Variants in NRXN3 observed in about 807,000 individuals in gnomAD.
NRXN3 encodes neurexin 3, also known as neurexin III.
A neutral mutation model predicts 137.6 loss-of-function variants in NRXN3; 32 were observed. The ratio of observed to expected loss-of-function variants is 0.23; its 90% confidence interval spans 0.18 to 0.31. The LOEUF (loss-of-function observed/expected upper bound fraction) is 0.31. NRXN3 is among the 10% of genes least tolerant of loss of function. The probability of loss-of-function intolerance (pLI) is 1.00; values close to 1 mark genes in which losing one functional copy is unlikely to be tolerated. For synonymous variants in NRXN3, 798 were observed against 784.5 expected (o/e 1.02, Z -0.29); for missense variants, 1,574 against 2,062.5 (o/e 0.76, Z 4.59).
chr14:78,676,976 C>T (rs1227251962), intron 6 of NRXN3, among the ~76,000 whole-genome samples: 2 of 152,114 alleles, frequency 1.3e-5, no homozygotes, highest in African/African-American at 2.4e-5. Context: ...AGACCTACTA[C>T]TCAGAAAACA....
At chr14:79,766,512 CT>C (rs1200626213) in intron 19 of NRXN3, among the ~76,000 whole-genome samples, 3 of 152,218 alleles carry the variant, frequency 2.0e-5, no homozygotes, top group Admixed American at 2.0e-4. Flanking sequence ...CACATTGAAT[CT>C]GCTACCTACG....
intron 19 of NRXN3, among the ~76,000 whole-genome samples, chr14:79,726,047 C>A (rs2098886650): frequency 6.6e-6 from 1 of 152,120 alleles, no homozygotes; most frequent in Admixed American, 6.6e-5. Flanking sequence ...GGAAGAAATT[C>A]CTACTATCTT....
At chr14:78,359,722 TAAGA>T (rs980068892) in intron 4 of NRXN3, among the ~76,000 whole-genome samples, 38 of 152,276 alleles carry the variant, frequency 2.5e-4, no homozygotes, top group South Asian at 1.5e-3. Flanking sequence ...AAACTGTTCC[TAAGA>T]TAGTTGTTAA....
chr14:79,504,712 A>G (rs1005636895), intron 16 of NRXN3, among the ~76,000 whole-genome samples: 1 of 146,766 alleles, frequency 6.8e-6, no homozygotes, highest in Non-Finnish European at 1.5e-5. Flanking sequence ...TGATGAAATA[A>G]AAGTGTTTCA....
intron 10 of NRXN3, among the ~76,000 whole-genome samples, chr14:78,881,409 T>C (rs2099128746): frequency 6.6e-6 from 1 of 151,662 alleles, no homozygotes; most frequent in Non-Finnish European, 1.5e-5. Flanking sequence ...TGAATGGCTT[T>C]GACCAAAATG....
At chr14:79,319,941 G>A (rs1022182879) in intron 15 of NRXN3, among the ~76,000 whole-genome samples, 1 of 152,114 alleles carries the variant, frequency 6.6e-6, no homozygotes, top group Non-Finnish European at 1.5e-5. Flanking sequence ...TTGCTTAAAA[G>A]CAAGGCTGGC....
intron 4 of NRXN3, among the ~76,000 whole-genome samples, chr14:78,497,324 T>A (rs1397370067): frequency 6.6e-6 from 1 of 152,158 alleles, no homozygotes; most frequent in Non-Finnish European, 1.5e-5. Flanking sequence ...GCAATCACAC[T>A]GTCTGAGGCC....
intron 4 of NRXN3, among the ~76,000 whole-genome samples, chr14:78,493,629 G>A (rs190618669): frequency 2.0e-3 from 306 of 152,238 alleles, no homozygotes; most frequent in South Asian, 0.011. Context: ...TTAGGGGAAA[G>A]TTGTGGTTCT....
At chr14:78,692,143 GA>G (rs2098177274) in intron 6 of NRXN3, among the ~76,000 whole-genome samples, 1 of 152,164 alleles carries the variant, frequency 6.6e-6, no homozygotes, top group South Asian at 2.1e-4. Context: ...AAGCATTAAT[GA>G]AACACCTAAT....
intron 4 of NRXN3, among the ~76,000 whole-genome samples, chr14:78,577,714 C>G (rs2096951284): frequency 6.6e-6 from 1 of 152,202 alleles, no homozygotes; most frequent in Non-Finnish European, 1.5e-5. Context: ...ATCCACCCGC[C>G]TCGGCCTCCC....
At chr14:79,503,945 C>T (rs2096848697) in intron 16 of NRXN3, among the ~76,000 whole-genome samples, 1 of 152,196 alleles carries the variant, frequency 6.6e-6, no homozygotes, top group Non-Finnish European at 1.5e-5. Flanking sequence ...TGTAATTTCT[C>T]CATTTTTATT....
Position 79,867,627 on chromosome 14 carries a change from T to C in NRXN3, c.*5663T>C, listed in dbSNP as rs941595954. ...CATGTTTGGGGTTGGGACTTCAACATATGAATGTTGGAGGGGATATGGTTC... is the reference window on the plus strand; with the variant it reads ...CATGTTTGGGGTTGGGACTTCAACACATGAATGTTGGAGGGGATATGGTTC... On this transcript the variant is annotated 3_prime_UTR_variant, in exon 21 of 21. Coordinates refer to ENST00000335750, the MANE Select transcript of NRXN3 (RefSeq NM_001330195.2). 2.0e-5 allele frequency: 3 copies of C among 152,150 alleles called. No individual in the cohort carries two copies. Among genetic ancestry groups the C allele is most frequent in the Non-Finnish European group, 4.4e-5 (3 of 68,046 alleles). The allele number at this position is 152,150 out of a possible 1,614,324, so 9.4% of individuals were successfully genotyped here. A position where few individuals can be genotyped will look rare whatever the true frequency, so the allele number is the denominator to read the frequency against.
At chr14:79,009,844 C>T (rs945536100) in intron 15 of NRXN3, among the ~76,000 whole-genome samples, 1 of 152,192 alleles carries the variant, frequency 6.6e-6, no homozygotes, top group Non-Finnish European at 1.5e-5. Context: ...TGGTCCACTT[C>T]CTTCAGCCTT....
At chr14:78,809,593 T>C (rs1210070460) in intron 9 of NRXN3, among the ~76,000 whole-genome samples, 1 of 152,210 alleles carries the variant, frequency 6.6e-6, no homozygotes, top group Non-Finnish European at 1.5e-5. Flanking sequence ...TTTGTGCGGT[T>C]AGCTGTTTGC....
intron 20 of NRXN3, among the ~76,000 whole-genome samples, chr14:79,833,428 G>A (rs8009908): frequency 0.91 from 138,469 of 152,098 alleles, 63,070 homozygotes; most frequent in East Asian, 1. Context: ...TTGCCTCGTA[G>A]GTATATATAA....
At chr14:78,308,737 G>A (rs946202643) in intron 4 of NRXN3, among the ~76,000 whole-genome samples, 3 of 152,032 alleles carry the variant, frequency 2.0e-5, no homozygotes, top group African/African-American at 7.2e-5. Flanking sequence ...ATACTATTGT[G>A]TGTGTGTGTT....
chr14:78,580,822 G>A (rs1230254819), intron 4 of NRXN3, among the ~76,000 whole-genome samples: 1 of 152,210 alleles, frequency 6.6e-6, no homozygotes, highest in African/African-American at 2.4e-5. Flanking sequence ...CCAGGACTGT[G>A]GAGCCCAAAG....
intron 8 of NRXN3, among the ~76,000 whole-genome samples, chr14:78,758,767 G>T (rs962046320): frequency 6.6e-6 from 1 of 152,158 alleles, no homozygotes. Flanking sequence ...TTGTCATTCT[G>T]TCCTTTTATG....
At chr14:79,767,016 A>C (rs187784278) in intron 19 of NRXN3, among the ~76,000 whole-genome samples, 333 of 152,300 alleles carry the variant, frequency 2.2e-3, no homozygotes, top group Non-Finnish European at 4.0e-3. Context: ...CTACTTGCTC[A>C]CTTGTTTTTT....
Sources: allele counts gnomAD v4.1 joint callset (sites outside exome capture counted in the v4.1 genomes callset), GRCh38; gene constraint gnomAD v4.1.1; transcripts MANE v1.5; gene names NCBI Gene and HGNC (gene_info 2026-07-23, HGNC 2026-07-21).